Variants in MAP2 observed in about 807,000 individuals in gnomAD.
MAP2 encodes the protein microtubule associated protein 2.
Under a neutral mutation model 137.6 loss-of-function variants are expected in MAP2, and 14 were observed. The observed-to-expected ratio is 0.10, with a 90% CI of 0.07 to 0.16. The LOEUF (loss-of-function observed/expected upper bound fraction) is 0.16, where lower values mean the gene tolerates loss of function less well. MAP2 is among the 10% of genes least tolerant of loss of function. MAP2 has a pLI of 1.00. For missense variants in MAP2, 2,088 were observed against 2,191.5 expected (o/e 0.95, Z 0.94); for synonymous variants, 786 against 782.3 (o/e 1.00, Z -0.08).
At chr2:209,526,137 G>T (rs909199938) in intron 2 of MAP2, among the ~76,000 whole-genome samples, 2 of 152,108 alleles carry the variant, frequency 1.3e-5, no homozygotes, top group Admixed American at 1.3e-4. Context: ...TTTACAGAAG[G>T]TCTGATAATT....
chr2:209,488,126 A>C (rs931923432), intron 1 of MAP2, among the ~76,000 whole-genome samples: 4 of 152,168 alleles, frequency 2.6e-5, no homozygotes, highest in Non-Finnish European at 5.9e-5. Flanking sequence ...GGCGCAGCCC[A>C]TGGAGGTCGA....
At chr2:209,567,711 C>T (rs1289555292) in intron 2 of MAP2, among the ~76,000 whole-genome samples, 2 of 151,740 alleles carry the variant, frequency 1.3e-5, no homozygotes, top group African/African-American at 4.8e-5. Context: ...GAAAATGAAA[C>T]GAGTATAAAT....
chr2:209,658,155 A>T (rs1053346001), intron 5 of MAP2, among the ~76,000 whole-genome samples: 22 of 152,198 alleles, frequency 1.4e-4, no homozygotes, highest in Admixed American at 3.3e-4. Flanking sequence ...GGCAAAAGGG[A>T]TTATTTGTAA....
chr2:209,500,419 A>G (rs1227548779), intron 1 of MAP2, among the ~76,000 whole-genome samples: 1 of 152,050 alleles, frequency 6.6e-6, no homozygotes, highest in African/African-American at 2.4e-5. Flanking sequence ...TGTCCTGTCC[A>G]TTGTCTGAAT....
At chr2:209,679,252 T>C (rs2053376166) in intron 6 of MAP2, among the ~76,000 whole-genome samples, 1 of 151,966 alleles carries the variant, frequency 6.6e-6, no homozygotes, top group African/African-American at 2.4e-5. Flanking sequence ...ATGCCCTCCA[T>C]GCCAAGCAAG....
intron 1 of MAP2, among the ~76,000 whole-genome samples, chr2:209,488,979 G>A (rs769220196): frequency 5.3e-5 from 8 of 152,168 alleles, no homozygotes; most frequent in South Asian, 2.1e-4. Context: ...CCTGACCCCC[G>A]TGCCACCTAA....
intron 3 of MAP2, among the ~76,000 whole-genome samples, chr2:209,607,508 C>A (rs904362799): frequency 6.6e-6 from 1 of 152,214 alleles, no homozygotes; most frequent in Non-Finnish European, 1.5e-5. Flanking sequence ...AATCTCAGCT[C>A]ATTGCAACCG....
At chr2:209,426,354 T>C (rs1169977342) in intron 1 of MAP2, among the ~76,000 whole-genome samples, 1 of 152,186 alleles carries the variant, frequency 6.6e-6, no homozygotes, top group Non-Finnish European at 1.5e-5. Flanking sequence ...ATTTTATTTA[T>C]CTCCTCTCTT....
chr2:209,557,817 G>A (rs1444626685), intron 2 of MAP2, among the ~76,000 whole-genome samples: 1 of 152,204 alleles, frequency 6.6e-6, no homozygotes, highest in East Asian at 1.9e-4. Flanking sequence ...CACAGGATGT[G>A]CACTGAGGGA....
intron 7 of MAP2, among the ~76,000 whole-genome samples, chr2:209,689,809 A>C (rs1435479272): frequency 6.6e-6 from 1 of 152,202 alleles, no homozygotes; most frequent in Non-Finnish European, 1.5e-5. Flanking sequence ...TAACAATATG[A>C]TAATAGTTGT....
intron 2 of MAP2, among the ~76,000 whole-genome samples, chr2:209,537,784 T>C (rs1415258233): frequency 1.3e-5 from 2 of 152,236 alleles, no homozygotes; most frequent in Non-Finnish European, 2.9e-5. Context: ...AATTATTTCC[T>C]TAATCCTCCT....
At chr2:209,588,842 C>G (rs1421069988) in intron 3 of MAP2, among the ~76,000 whole-genome samples, 3 of 151,844 alleles carry the variant, frequency 2.0e-5, no homozygotes, top group African/African-American at 7.3e-5. Context: ...GCAGAAATTC[C>G]TAAAATGATT....
intron 3 of MAP2, among the ~76,000 whole-genome samples, chr2:209,599,047 A>G (rs1430295857): frequency 6.6e-6 from 1 of 152,078 alleles, no homozygotes; most frequent in African/African-American, 2.4e-5. Context: ...TGGTTGAACT[A>G]GTTTACAGTC....
chr2:209,567,698 A>G (rs778763245), intron 2 of MAP2, among the ~76,000 whole-genome samples: 1 of 152,126 alleles, frequency 6.6e-6, no homozygotes, highest in Non-Finnish European at 1.5e-5. Context: ...CCACAAAACT[A>G]TGGAAAATGA....
At chr2:209,660,897 G>A (rs1193920095) in intron 5 of MAP2, among the ~76,000 whole-genome samples, 4 of 147,918 alleles carry the variant, frequency 2.7e-5, no homozygotes, top group African/African-American at 1.0e-4. Context: ...ACCACGCCCG[G>A]CTAATTTTTT....
At chr2:209,724,583 A>AAGAGAG (rs145497846) in intron 13 of MAP2, among the ~76,000 whole-genome samples, 1 of 149,106 alleles carries the variant, frequency 6.7e-6, no homozygotes, top group South Asian at 2.1e-4. Flanking sequence ...TCAAGCAGTG[A>AAGAGAG]AGAGAGAGAG....
rs1430804841 is a variant in MAP2 at position 209,694,035 on chromosome 2, C to G, written c.1865C>G (p.Thr622Arg). 3 of 1,613,696 alleles carry G rather than the reference C, an allele frequency of 1.9e-6. No homozygotes were observed. In the East Asian group the frequency reaches 6.7e-5, roughly 36 times the overall value. The stretch of plus-strand genomic sequence containing the variant: ...AAAAATGGTGACAAGGAGTTTCAAA[C>G]AGGAAAAGAATCCCAGCCCAGTCCT... ...MHKNGDKEFQ[T>R]GKESQPSPPA... The change falls in exon 8 of 16, where the codon ACA becomes AGA. Residue 622 changes from threonine to arginine, a missense_variant. Coordinates refer to ENST00000682079, the MANE Select transcript of MAP2 (RefSeq NM_001375505.1).
chr2:209,531,711 G>T (rs1481677427), intron 2 of MAP2, among the ~76,000 whole-genome samples: 6 of 152,086 alleles, frequency 3.9e-5, no homozygotes, highest in African/African-American at 2.4e-5. Context: ...ATAGATTGCT[G>T]ATATAAGCTA....
chr2:209,429,362 C>T (rs1693598055), intron 1 of MAP2, among the ~76,000 whole-genome samples: 1 of 147,250 alleles, frequency 6.8e-6, no homozygotes, highest in African/African-American at 2.6e-5. Flanking sequence ...TCATCAGACA[C>T]TATAAAACAT....
Sources: allele counts gnomAD v4.1 joint callset (sites outside exome capture counted in the v4.1 genomes callset), GRCh38; gene constraint gnomAD v4.1.1; transcripts MANE v1.5; gene names NCBI Gene and HGNC (gene_info 2026-07-23, HGNC 2026-07-21).